The following ZNF563 variants were observed in gnomAD, a reference collection of about 807,000 sequenced individuals.
The protein encoded by ZNF563 is zinc finger protein 563.
A neutral mutation model predicts 48.5 loss-of-function variants in ZNF563; 39 were observed. That is an observed-to-expected ratio of 0.80 (90% CI 0.62 to 1.05). The LOEUF is 1.05. ZNF563 is among the 50% of genes least tolerant of loss of function. The pLI, the probability that ZNF563 is intolerant of heterozygous loss-of-function variation, is 0.00. For missense variants in ZNF563, 538 were observed against 597.0 expected (o/e 0.90, Z 1.03); for synonymous variants, 168 against 187.9 (o/e 0.89, Z 0.87).
In ZNF563 at chr19:12,322,395, C is replaced by T. The variant is rs773802959; in HGVS notation, c.130+190G>A. ...TACCAGTAAGGCTGCTGGTCAATGG[C>T]GGCTTAAGCTATGGTGGACAAAAAG... On this transcript the variant is annotated intron_variant, in intron 2 of 3. Coordinates refer to ENST00000293725, the MANE Select transcript of ZNF563 (RefSeq NM_145276.3). Among the ~76,000 whole-genome samples the T allele has an allele frequency of 5.3e-5, 8 of 152,098 alleles. No individual in the cohort carries two copies. In the East Asian group the frequency reaches 5.8e-4, roughly 11 times the overall value.
the ZNF563 span, chr19:12,346,013 T>C: frequency 6.6e-6 from 1 of 152,120 alleles, no homozygotes; most frequent in Non-Finnish European, 1.5e-5. Flanking sequence ...AAAGATAAAC[T>C]GGACTACATC....
At chr19:12,328,501 G>A (rs951550515) in intron 1 of ZNF563, among the ~76,000 whole-genome samples, 3 of 152,296 alleles carry the variant, frequency 2.0e-5, no homozygotes, top group East Asian at 1.9e-4. Flanking sequence ...AGCTGGGTGC[G>A]GTGGCTCATG....
At chr19:12,330,499 A>C (rs1342433859) in intron 1 of ZNF563, among the ~76,000 whole-genome samples, 2 of 152,176 alleles carry the variant, frequency 1.3e-5, no homozygotes, top group South Asian at 2.1e-4. Context: ...TCTACCACAC[A>C]TCAAGGCTTT....
upstream of ZNF563, among the ~76,000 whole-genome samples, chr19:12,336,843 C>A (rs1969026280): frequency 6.6e-6 from 1 of 152,168 alleles, no homozygotes; most frequent in Admixed American, 6.5e-5. Context: ...CCAGCCCACA[C>A]CATTGACCCA....
chr19:12,319,916 CTTTTT>C, intron 3 of ZNF563, 83 bp from the exon 4 acceptor site: 1 of 1,085,606 alleles, frequency 9.2e-7, no homozygotes, highest in Non-Finnish European at 1.3e-6. Context: ...ATTGGATGTA[CTTTTT>C]TTTTTTTTTC....
At chr19:12,340,112 A>G in the ZNF563 span, among the ~76,000 whole-genome samples, 1 of 152,204 alleles carries the variant, frequency 6.6e-6, no homozygotes, top group Non-Finnish European at 1.5e-5. Context: ...ACATGGGCAG[A>G]TACCTTGAGG....
chr19:12,338,106 AG>A (rs1969037540), upstream of ZNF563, among the ~76,000 whole-genome samples: 1 of 152,202 alleles, frequency 6.6e-6, no homozygotes, highest in Non-Finnish European at 1.5e-5. Flanking sequence ...TGTCTAAAAA[AG>A]AAAGAAAGGA....
At chr19:12,346,901 CAGAG>C in the ZNF563 span, 1 of 152,182 alleles carries the variant, frequency 6.6e-6, no homozygotes, top group African/African-American at 2.4e-5. Context: ...AATTCACAGA[CAGAG>C]AAAGTAGAAT....
Position 12,319,045 on chromosome 19 carries a change from T to C in ZNF563, c.980A>G (p.His327Arg). 18 of 1,614,240 alleles carry C rather than the reference T, an allele frequency of 1.1e-5. No homozygotes were observed. Among genetic ancestry groups the C allele is most frequent in the Non-Finnish European group, 1.5e-5 (18 of 1,180,040 alleles). ...TFHHLGSFQI[H>R]MKRHTGDRPH... Reference sequence around the variant, plus strand: ...TCGATCTCCAGTGTGCCTTTTCATGTGTATCTGAAAGCTTCCAAGATGATG... The same window carrying C: ...TCGATCTCCAGTGTGCCTTTTCATGCGTATCTGAAAGCTTCCAAGATGATG... The change falls in exon 4 of 4, where the codon CAC (histidine) becomes CGC (arginine). Residue 327 changes from histidine to arginine, a missense_variant. His to Arg is a conservative substitution (Grantham distance 29). Coordinates refer to ENST00000293725, the MANE Select transcript of ZNF563 (RefSeq NM_145276.3).
chr19:12,331,999 C>A (rs1186458361), intron 1 of ZNF563, among the ~76,000 whole-genome samples: 1 of 152,134 alleles, frequency 6.6e-6, no homozygotes, highest in Admixed American at 6.5e-5. Flanking sequence ...ATGAAATATT[C>A]ACAAACAAAA....
At chr19:12,346,841 T>A in the ZNF563 span, 8 of 152,306 alleles carry the variant, frequency 5.3e-5, no homozygotes, top group East Asian at 1.2e-3. Context: ...AAGCCAGACA[T>A]GGAAGGACAC....
rs1968616539 is a variant in ZNF563, at chr19:12,321,300, G to C, written c.163C>G (p.Gln55Glu). Residue 55 changes from glutamine (Q) to glutamate (E), a missense_variant, in exon 3 of 4, where the codon CAG becomes GAG. Physicochemically the swap from Gln to Glu is conservative, Grantham distance 29. Coordinates refer to ENST00000293725, the MANE Select transcript of ZNF563 (RefSeq NM_145276.3). ...AGATTTCTCCTAGGATTTTTGTACT[G>C]ATCTTCAGTATTCTGTTCTTCCCAT... Reference protein sequence around the residue: ...MIWEEQNTEDQYKNPRRNLRC... With the variant: ...MIWEEQNTEDEYKNPRRNLRC... 9 of 1,576,364 alleles carry C rather than the reference G, an allele frequency of 5.7e-6. No homozygotes were observed. Among genetic ancestry groups the C allele is most frequent in the Non-Finnish European group, 6.9e-6 (8 of 1,164,788 alleles).
chr19:12,347,119 G>C, the ZNF563 span: 2 of 152,172 alleles, frequency 1.3e-5, no homozygotes, highest in African/African-American at 4.8e-5. Flanking sequence ...CTGCCCTCTA[G>C]GCAACATCGT....
the ZNF563 span, among the ~76,000 whole-genome samples, chr19:12,343,862 C>G: frequency 6.6e-6 from 1 of 150,650 alleles, no homozygotes; most frequent in Admixed American, 6.7e-5. Context: ...TCCCGAGTAT[C>G]TAGGACTACA....
the ZNF563 span, among the ~76,000 whole-genome samples, chr19:12,345,534 A>T: frequency 1.3e-5 from 2 of 152,346 alleles, no homozygotes; most frequent in Admixed American, 1.3e-4. Flanking sequence ...CTACATGCAA[A>T]TAATAAAAGT....
chr19:12,333,766 T>C, upstream of ZNF563: 1 of 486,090 alleles, frequency 2.1e-6, no homozygotes, highest in Non-Finnish European at 3.7e-6. Flanking sequence ...GGGCTCCAGG[T>C]CCCGCCCCCT....
At chr19:12,320,506 T>C (rs1285411084) in intron 3 of ZNF563, among the ~76,000 whole-genome samples, 1 of 151,812 alleles carries the variant, frequency 6.6e-6, no homozygotes, top group East Asian at 2.0e-4. Flanking sequence ...CACACTTGGC[T>C]AATTTTTTTT....
At chr19:12,329,472 C>T (rs1187620995) in intron 1 of ZNF563, among the ~76,000 whole-genome samples, 4 of 75,924 alleles carry the variant, frequency 5.3e-5, no homozygotes, top group Non-Finnish European at 8.2e-5. Flanking sequence ...GACTCCATCT[C>T]AAAAAAAAAA....
chr19:12,333,679 T>A, upstream of ZNF563: 1 of 721,176 alleles, frequency 1.4e-6, no homozygotes, highest in South Asian at 2.2e-5. Flanking sequence ...GCGGGCTCTT[T>A]GAACCTGGCA....
Sources: gnomAD v4.1 joint callset for allele counts (sites outside exome capture counted in the v4.1 genomes callset) on GRCh38, gnomAD v4.1.1 for gene constraint, MANE v1.5 for transcripts, NCBI Gene and HGNC (gene_info 2026-07-23, HGNC 2026-07-21) for gene names.